SH3GL2: variants seen among roughly 807,000 people sequenced by gnomAD.
SH3GL2 encodes the protein endophilin-A1.
SH3GL2 carries 24 observed loss-of-function variants against 46.0 expected under a neutral mutation model. That is an observed-to-expected ratio of 0.52 (90% confidence interval 0.38 to 0.73). The LOEUF (loss-of-function observed/expected upper bound fraction) is 0.73, where lower values mean the gene tolerates loss of function less well. Ranked by LOEUF, SH3GL2 falls within the 30% of genes least tolerant of loss-of-function variation. SH3GL2 has a pLI of 0.00. For synonymous variants in SH3GL2, 196 were observed against 147.1 expected, an observed-to-expected ratio of 1.33 and a Z score of -2.40; for missense variants, 413 against 424.2, an observed-to-expected ratio of 0.97 and a Z score of 0.23.
At chr9:17,629,061 G>T (rs1819360532) in intron 1 of SH3GL2, among the ~76,000 whole-genome samples, 1 of 151,896 alleles carries the variant, frequency 6.6e-6, no homozygotes, top group Admixed American at 6.6e-5. Flanking sequence ...CTTTGAAGAG[G>T]ACTTAGATGA....
At chr9:17,685,941 T>C (rs1820896071) in intron 1 of SH3GL2, among the ~76,000 whole-genome samples, 1 of 149,844 alleles carries the variant, frequency 6.7e-6, no homozygotes, top group Non-Finnish European at 1.5e-5. Flanking sequence ...AATTGACAAA[T>C]GGGATCTAAT....
chr9:17,735,025 C>A (rs1822289640), intron 1 of SH3GL2, among the ~76,000 whole-genome samples: 1 of 152,108 alleles, frequency 6.6e-6, no homozygotes. Flanking sequence ...GGACAAGTAA[C>A]TTCAAAAGTG....
chr9:17,635,833 C>G (rs1337431581), intron 1 of SH3GL2, among the ~76,000 whole-genome samples: 1 of 152,148 alleles, frequency 6.6e-6, no homozygotes, highest in Non-Finnish European at 1.5e-5. Flanking sequence ...TTGCTTCCAA[C>G]TCAAGTTGAG....
In SH3GL2 at chr9:17,733,700, G is replaced by A. The variant is rs916675452; in HGVS notation, c.46-13366G>A. Among the ~76,000 whole-genome samples the A allele has an allele frequency of 3.3e-5, 5 of 152,042 alleles. No homozygotes were observed. In the South Asian group the frequency reaches 1.0e-3, roughly 32 times the overall value. ...GTTTATTGCGGCACTATTCACAATA[G>A]CAAAGACTTGGAACCAATCCAAATG... On this transcript the variant is annotated intron_variant, in intron 1 of 8. Coordinates refer to ENST00000380607, the MANE Select transcript of SH3GL2 (RefSeq NM_003026.5).
intron 1 of SH3GL2, among the ~76,000 whole-genome samples, chr9:17,666,997 T>A (rs1375122040): frequency 2.6e-5 from 4 of 152,176 alleles, no homozygotes; most frequent in Non-Finnish European, 4.4e-5. Context: ...TTTGCTTTTA[T>A]TATGTGTTAA....
intron 1 of SH3GL2, among the ~76,000 whole-genome samples, chr9:17,688,228 A>G (rs1364793876): frequency 1.3e-5 from 2 of 152,112 alleles, no homozygotes; most frequent in Non-Finnish European, 2.9e-5. Flanking sequence ...GAGACTCAGC[A>G]TCACAATGTG....
At chr9:17,724,116 G>GTA (rs1331058124) in intron 1 of SH3GL2, among the ~76,000 whole-genome samples, 7 of 151,862 alleles carry the variant, frequency 4.6e-5, no homozygotes, top group Non-Finnish European at 1.0e-4. Flanking sequence ...TTTTGATTAT[G>GTA]TGTTGGTTTG....
intron 5 of SH3GL2, among the ~76,000 whole-genome samples, chr9:17,787,777 C>T (rs148172684): frequency 1.3e-5 from 2 of 152,178 alleles, no homozygotes; most frequent in East Asian, 1.9e-4. Flanking sequence ...CAGACTTTTT[C>T]TCCAGAGGAT....
intron 1 of SH3GL2, among the ~76,000 whole-genome samples, chr9:17,681,795 A>G (rs1312923129): frequency 6.6e-6 from 1 of 152,188 alleles, no homozygotes; most frequent in Non-Finnish European, 1.5e-5. Context: ...AAATTTTTGT[A>G]ATCTACCCAT....
intron 2 of SH3GL2, among the ~76,000 whole-genome samples, chr9:17,754,319 C>A (rs9406691): frequency 9.9e-5 from 15 of 152,012 alleles, no homozygotes; most frequent in Non-Finnish European, 1.6e-4. Flanking sequence ...GAGCATGGAA[C>A]GTTTTTCCAT....
intron 1 of SH3GL2, among the ~76,000 whole-genome samples, chr9:17,718,994 A>G (rs938025420): frequency 1.3e-5 from 2 of 152,126 alleles, no homozygotes; most frequent in African/African-American, 2.4e-5. Context: ...TTAAATCCTA[A>G]GGTGTCATAA....
At chr9:17,634,716 T>C (rs1270771060) in intron 1 of SH3GL2, among the ~76,000 whole-genome samples, 2 of 152,230 alleles carry the variant, frequency 1.3e-5, no homozygotes, top group South Asian at 2.1e-4. Context: ...TTCCTTTATA[T>C]GTCTTCAGTG....
At chr9:17,661,396 T>C (rs540487632) in intron 1 of SH3GL2, among the ~76,000 whole-genome samples, 64 of 152,032 alleles carry the variant, frequency 4.2e-4, no homozygotes, top group African/African-American at 1.4e-3. Flanking sequence ...GGACACAAAA[T>C]TGAACAAAGA....
At chr9:17,708,360 T>A (rs1442812346) in intron 1 of SH3GL2, among the ~76,000 whole-genome samples, 1 of 152,036 alleles carries the variant, frequency 6.6e-6, no homozygotes, top group Non-Finnish European at 1.5e-5. Context: ...ATTTTTTGAT[T>A]TTGACTCTTA....
intron 1 of SH3GL2, among the ~76,000 whole-genome samples, chr9:17,667,468 G>A (rs1820375710): frequency 6.6e-6 from 1 of 151,984 alleles, no homozygotes; most frequent in African/African-American, 2.4e-5. Context: ...TTAGCATAGT[G>A]TTTTCAACAT....
At chr9:17,746,794 A>G (rs1370459056) in intron 1 of SH3GL2, among the ~76,000 whole-genome samples, 2 of 152,172 alleles carry the variant, frequency 1.3e-5, no homozygotes, top group African/African-American at 4.8e-5. Flanking sequence ...GTAGTTATAT[A>G]ATGATTTGTT....
chr9:17,721,468 A>G (rs1357281234), intron 1 of SH3GL2, among the ~76,000 whole-genome samples: 5 of 152,112 alleles, frequency 3.3e-5, no homozygotes, highest in Non-Finnish European at 5.9e-5. Flanking sequence ...ACTTTACTAC[A>G]TATAATAAAT....
At position 17,682,185 on chromosome 9, in the gene SH3GL2, T is replaced by C. The variant is rs183423080; in HGVS notation, c.46-64881T>C. On this transcript the variant is annotated intron_variant, in intron 1 of 8. Transcript: ENST00000380607. ...CAAGGATCTACAACCAGAACTACCG[T>C]TTGACCCAGCAATCCCATTACTAGA... Among the ~76,000 whole-genome samples, 208 of 152,236 alleles carry C rather than the reference T, an allele frequency of 1.4e-3. 1 individual carries two copies. Among genetic ancestry groups the C allele is most frequent in the African/African-American group, 4.7e-3 (195 of 41,530 alleles).
At chr9:17,720,007 A>G (rs1247810082) in intron 1 of SH3GL2, among the ~76,000 whole-genome samples, 1 of 151,952 alleles carries the variant, frequency 6.6e-6, no homozygotes, top group Non-Finnish European at 1.5e-5. Flanking sequence ...TGTGTTGAAT[A>G]TCCTGTTTAT....
Sources: gnomAD v4.1 joint callset for allele counts (sites outside exome capture counted in the v4.1 genomes callset) on GRCh38, gnomAD v4.1.1 for gene constraint, MANE v1.5 for transcripts, NCBI Gene and HGNC (gene_info 2026-07-23, HGNC 2026-07-21) for gene names.